Variants in FAM219A observed in about 807,000 individuals in gnomAD.
FAM219A encodes the protein family with sequence similarity 219 member A, also known as protein FAM219A.
A neutral mutation model predicts 23.4 loss-of-function variants in FAM219A; 7 were observed. The ratio of observed to expected loss-of-function variants is 0.30; its 90% CI spans 0.17 to 0.56. The LOEUF is 0.56. Among genes scored for constraint, FAM219A ranks in the 20% least tolerant of loss-of-function variants. The pLI is 0.92. For synonymous variants in FAM219A, 93 were observed against 99.0 expected, an observed-to-expected ratio of 0.94 and a Z score of 0.36; for missense variants, 166 against 246.9, an observed-to-expected ratio of 0.67 and a Z score of 2.20.
In FAM219A at chr9:34,458,128, C is replaced by A; in HGVS notation, c.60+76G>T. ...CCGATGGCGCCCCTCCGCACGATCC[C>A]CCCGGCCTGATTCCCTCCCTCCCCC... On this transcript the variant is annotated intron_variant, in intron 1 of 5. Coordinates refer to ENST00000651358, the MANE Select transcript of FAM219A (RefSeq NM_001184940.2). This position sits in a 1 kb window ranked among gnomAD's most constrained non-coding sequence, Gnocchi z 6.6. 7.1e-7 allele frequency: 1 copy of A among 1,400,446 alleles called. No individual in the cohort carries two copies. The highest frequency in any genetic ancestry group is 2.8e-5 in the East Asian group (1 of 35,210). The allele number at this position is 1,400,446 out of a possible 1,614,324, so 86.8% of individuals were successfully genotyped here. A position where few individuals can be genotyped will look rare whatever the true frequency, so the allele number is the denominator to read the frequency against.
chr9:34,453,971 G>C (rs968558081), intron 1 of FAM219A, among the ~76,000 whole-genome samples: 2 of 152,208 alleles, frequency 1.3e-5, no homozygotes, highest in African/African-American at 2.4e-5. Flanking sequence ...AACTTCTCTA[G>C]ATCAGTGAGG....
At chr9:34,444,320 AC>A (rs1823293355) in intron 1 of FAM219A, among the ~76,000 whole-genome samples, 1 of 152,162 alleles carries the variant, frequency 6.6e-6, no homozygotes, top group Admixed American at 6.5e-5. Context: ...TGCCTGATAC[AC>A]CAAGAACAGG....
At chr9:34,444,461 T>C (rs1442766615) in intron 1 of FAM219A, among the ~76,000 whole-genome samples, 1 of 152,178 alleles carries the variant, frequency 6.6e-6, no homozygotes, top group African/African-American at 2.4e-5. Flanking sequence ...AACTAAGTTT[T>C]TTCCTCATTA....
chr9:34,404,691 G>A (rs1821573166), intron 2 of FAM219A, among the ~76,000 whole-genome samples: 1 of 150,930 alleles, frequency 6.6e-6, no homozygotes, highest in Admixed American at 6.6e-5. Flanking sequence ...CTGGACAACA[G>A]AGAGAGACTC....
chr9:34,422,974 T>C (rs1207765850), intron 1 of FAM219A, among the ~76,000 whole-genome samples: 4 of 152,148 alleles, frequency 2.6e-5, no homozygotes, highest in African/African-American at 7.2e-5. Flanking sequence ...GAGACCAGCC[T>C]GGGCAACATA....
At chr9:34,417,000 C>CTCCTTCTTCCTTCT (rs201896605) in intron 1 of FAM219A, among the ~76,000 whole-genome samples, 1 of 151,444 alleles carries the variant, frequency 6.6e-6, no homozygotes, top group Non-Finnish European at 1.5e-5. Flanking sequence ...GCTTTATCTT[C>CTCCTTCTTCCTTCT]TCCTTCTTCC....
intron 3 of FAM219A, 60 bp downstream of exon 3, chr9:34,402,645 A>G (rs1313885370): frequency 6.3e-7 from 1 of 1,591,594 alleles, no homozygotes; most frequent in Non-Finnish European, 8.6e-7. Flanking sequence ...GGGGAGGCTC[A>G]GGACCAGCAG....
At chr9:34,406,830 T>G (rs1461465155) in intron 1 of FAM219A, among the ~76,000 whole-genome samples, 2 of 138,656 alleles carry the variant, frequency 1.4e-5, no homozygotes, top group African/African-American at 2.8e-5. Flanking sequence ...TGAGACGGAG[T>G]CTTGCTTTGT....
intron 1 of FAM219A, among the ~76,000 whole-genome samples, chr9:34,450,066 C>A (rs904065128): frequency 1.3e-5 from 2 of 152,170 alleles, no homozygotes; most frequent in South Asian, 4.1e-4. Context: ...AATCCCAGCA[C>A]TTTGGGAGGC....
At chr9:34,433,042 G>A (rs146247478) in intron 1 of FAM219A, among the ~76,000 whole-genome samples, 35 of 152,216 alleles carry the variant, frequency 2.3e-4, no homozygotes, top group African/African-American at 7.7e-4. Context: ...TACAAAGAAA[G>A]TCCAGAGAGT....
intron 1 of FAM219A, among the ~76,000 whole-genome samples, chr9:34,408,347 A>G (rs759715235): frequency 6.6e-6 from 1 of 152,226 alleles, no homozygotes; most frequent in Non-Finnish European, 1.5e-5. Context: ...AGCAGCTGCT[A>G]CCTGCAAGGG....
At chr9:34,405,490 T>A (rs1266087987) in intron 2 of FAM219A, among the ~76,000 whole-genome samples, 4 of 152,178 alleles carry the variant, frequency 2.6e-5, no homozygotes, top group Non-Finnish European at 5.9e-5. Context: ...GAACTCTCTT[T>A]CCTTTCTATC....
At chr9:34,424,275 A>G (rs1822379444) in intron 1 of FAM219A, among the ~76,000 whole-genome samples, 1 of 152,210 alleles carries the variant, frequency 6.6e-6, no homozygotes, top group African/African-American at 2.4e-5. Flanking sequence ...AGGACTCAAG[A>G]TGCTGTTCTC....
At chr9:34,426,879 T>C (rs1266391932) in intron 1 of FAM219A, among the ~76,000 whole-genome samples, 1 of 151,980 alleles carries the variant, frequency 6.6e-6, no homozygotes, top group Non-Finnish European at 1.5e-5. Context: ...GAAGCACCTC[T>C]CCCTGAGCAT....
intron 1 of FAM219A, among the ~76,000 whole-genome samples, chr9:34,441,226 G>T (rs546243635): frequency 6.6e-5 from 10 of 152,338 alleles, no homozygotes; most frequent in Admixed American, 5.9e-4. Flanking sequence ...CAGCATAGAA[G>T]AAGGCTGCTA....
chr9:34,447,037 A>G (rs759591407), intron 1 of FAM219A, among the ~76,000 whole-genome samples: 2 of 152,202 alleles, frequency 1.3e-5, no homozygotes, highest in Non-Finnish European at 2.9e-5. Flanking sequence ...ACCTTCTCCA[A>G]TCACACAGCC....
Position 34,405,900 on chromosome 9 carries a change from A to G in FAM219A, c.125T>C (p.Met42Thr). 1 of 1,613,896 alleles carries G rather than the reference A, an allele frequency of 6.2e-7. No homozygotes were observed. Among genetic ancestry groups the G allele is most frequent in the Non-Finnish European group, 8.5e-7 (1 of 1,179,910 alleles). Residue 42 changes from methionine (M) to threonine (T), a missense_variant, in exon 2 of 6, where the codon ATG becomes ACG. Physicochemically the swap from Met to Thr is moderately conservative, Grantham distance 81. This residue lies in a region of FAM219A where 89 missense variants were observed against 98.8 expected (regional missense o/e 0.90). Coordinates refer to ENST00000651358, the MANE Select transcript of FAM219A (RefSeq NM_001184940.2). ...CDAREGESVA[M>T]NYKPSPLQVK... Reference sequence around the variant, plus strand: ...TTGGAGCGGGGATGGTTTGTAATTCATGGCTACTGACTCACCCTCCCGGGC... The same window carrying G: ...TTGGAGCGGGGATGGTTTGTAATTCGTGGCTACTGACTCACCCTCCCGGGC...
In FAM219A at chr9:34,417,475, T is replaced by G. The variant is rs998370269; in HGVS notation, c.61-11511A>C. 6.6e-6 allele frequency among the ~76,000 whole-genome samples: 1 copy of G among 152,262 alleles called. No homozygotes were observed. The highest frequency in any genetic ancestry group is 6.5e-5 in the Admixed American group (1 of 15,286). On this transcript the variant is annotated intron_variant, in intron 1 of 5. Transcript: ENST00000651358. The surrounding 1 kb of genome is among the most constrained non-coding windows in gnomAD (Gnocchi z 4.1). The stretch of plus-strand genomic sequence containing the variant: ...TGACATTCAGGTTGTTTGCAACTTT[T>G]CACTATTATAGATAATGCTACACTG...
chr9:34,406,401 T>A lies in FAM219A; in HGVS notation c.61-437A>T, dbSNP rs952260814. On this transcript the variant is annotated intron_variant, in intron 1 of 5. Coordinates refer to ENST00000651358, the MANE Select transcript of FAM219A (RefSeq NM_001184940.2). The stretch of plus-strand genomic sequence containing the variant: ...GAGAGCAGGTGCTGTCTGAGATGGG[T>A]CTTCTCCCTCTGTTTCCCTGTGCTG... The A allele has an allele frequency of 5.1e-6, 5 of 985,036 alleles. No homozygotes were observed. In the African/African-American group the frequency reaches 8.8e-5, roughly 17 times the overall value. The allele number at this position is 985,036 out of a possible 1,614,324, so 61.0% of individuals were successfully genotyped here.
Sources: allele counts gnomAD v4.1 joint callset (sites outside exome capture counted in the v4.1 genomes callset), GRCh38; gene constraint gnomAD v4.1.1; regional missense constraint gnomAD v4.1.1; non-coding constraint Gnocchi (gnomAD v3.1); transcripts MANE v1.5; gene names NCBI Gene and HGNC (gene_info 2026-07-23, HGNC 2026-07-21).